The following EYS variants were observed in gnomAD, a reference collection of about 807,000 sequenced individuals.
EYS encodes the protein protein eyes shut homolog.
A neutral mutation model predicts 282.1 loss-of-function variants in EYS; 250 were observed. The ratio of observed to expected loss-of-function variants is 0.89; its 90% CI spans 0.80 to 0.98. The LOEUF is 0.98. Ranked by LOEUF, EYS falls within the 50% of genes least tolerant of loss-of-function variation. The probability of loss-of-function intolerance (pLI) is 0.00; values close to 1 mark genes in which losing one functional copy is unlikely to be tolerated. For missense variants in EYS, 4,016 were observed against 3,709.0 expected (o/e 1.08, Z -2.15); for synonymous variants, 1,355 against 1,282.9 (o/e 1.06, Z -1.20).
At chr6:63,833,323 G>A (rs747165019) in intron 36 of EYS, among the ~76,000 whole-genome samples, 12 of 152,080 alleles carry the variant, frequency 7.9e-5, no homozygotes, top group African/African-American at 1.9e-4. Context: ...AAACCCCATC[G>A]TCTCAGCCCC....
At chr6:64,565,982 A>C (rs16895490) in intron 26 of EYS, among the ~76,000 whole-genome samples, 4,069 of 151,422 alleles carry the variant, frequency 0.027, 118 homozygotes, top group East Asian at 0.11. Context: ...CCAAGCATTC[A>C]AAGTACAAAT....
chr6:63,864,721 A>G (rs1772630135), intron 35 of EYS, among the ~76,000 whole-genome samples: 1 of 152,180 alleles, frequency 6.6e-6, no homozygotes, highest in Non-Finnish European at 1.5e-5. Flanking sequence ...TTAGCAAAAA[A>G]CATCTTAGAC....
chr6:63,909,794 G>A (rs1310446717), intron 35 of EYS, among the ~76,000 whole-genome samples: 1 of 152,248 alleles, frequency 6.6e-6, no homozygotes, highest in East Asian at 1.9e-4. Context: ...CTATTAAGCT[G>A]GTAGAAGGTG....
At chr6:65,097,777 C>T (rs1181380068) in intron 12 of EYS, among the ~76,000 whole-genome samples, 4 of 149,446 alleles carry the variant, frequency 2.7e-5, no homozygotes, top group East Asian at 1.9e-4. Context: ...TATGATTCTA[C>T]TAATAGGAAG....
chr6:63,989,176 A>AGAT (rs1767500610), intron 34 of EYS, among the ~76,000 whole-genome samples: 1 of 151,656 alleles, frequency 6.6e-6, no homozygotes, highest in Admixed American at 6.6e-5. Context: ...CTTGTCTTTA[A>AGAT]GATTATGATG....
At chr6:64,442,392 G>A (rs1774977470) in intron 26 of EYS, among the ~76,000 whole-genome samples, 2 of 152,156 alleles carry the variant, frequency 1.3e-5, no homozygotes, top group Admixed American at 6.5e-5. Flanking sequence ...CAGAAAATTT[G>A]CACCCTGACA....
chr6:64,410,094 G>A (rs578240572), intron 28 of EYS, among the ~76,000 whole-genome samples: 1 of 152,078 alleles, frequency 6.6e-6, no homozygotes. Flanking sequence ...AGATTTAATA[G>A]GACTGTGTTA....
intron 32 of EYS, among the ~76,000 whole-genome samples, chr6:64,070,837 G>A (rs900379469): frequency 2.0e-5 from 3 of 152,000 alleles, no homozygotes; most frequent in African/African-American, 7.2e-5. Context: ...CCGCTAGTAC[G>A]ATTTGGTGCT....
At chr6:63,974,284 C>T (rs1055276226) in intron 35 of EYS, among the ~76,000 whole-genome samples, 2 of 151,760 alleles carry the variant, frequency 1.3e-5, no homozygotes, top group Admixed American at 6.6e-5. Flanking sequence ...CTTCTATTTA[C>T]AAAATAAACA....
chr6:64,352,176 T>A (rs1443495087), intron 29 of EYS, among the ~76,000 whole-genome samples: 2 of 151,482 alleles, frequency 1.3e-5, no homozygotes, highest in Admixed American at 6.6e-5. Flanking sequence ...GTTCTTTCAA[T>A]GCACACTAAA....
At chr6:65,141,510 AT>A (rs1288770838) in intron 12 of EYS, among the ~76,000 whole-genome samples, 1 of 151,804 alleles carries the variant, frequency 6.6e-6, no homozygotes, top group Non-Finnish European at 1.5e-5. Flanking sequence ...AAAAAACAAA[AT>A]TTCTAAATCT....
chr6:64,580,524 G>A (rs541531540), intron 26 of EYS, among the ~76,000 whole-genome samples: 1 of 152,110 alleles, frequency 6.6e-6, no homozygotes, highest in Non-Finnish European at 1.5e-5. Context: ...CAGGACTGAG[G>A]AATAGTGAAT....
At chr6:65,209,044 A>G (rs965822501) in intron 12 of EYS, among the ~76,000 whole-genome samples, 1 of 151,902 alleles carries the variant, frequency 6.6e-6, no homozygotes, top group African/African-American at 2.4e-5. Flanking sequence ...ATAATCTACA[A>G]CTAATTTGAT....
At chr6:64,642,410 C>T (rs929055369) in intron 22 of EYS, among the ~76,000 whole-genome samples, 4 of 152,008 alleles carry the variant, frequency 2.6e-5, no homozygotes, top group African/African-American at 9.7e-5. Flanking sequence ...TGTATTTCTC[C>T]ATGGTTATAT....
At chr6:64,335,329 A>G (rs1770808031) in intron 29 of EYS, among the ~76,000 whole-genome samples, 1 of 132,558 alleles carries the variant, frequency 7.5e-6, no homozygotes, top group Non-Finnish European at 1.5e-5. Flanking sequence ...GACCTTATCT[A>G]TACTCCCCAA....
At chr6:65,352,305 A>G (rs1764312220) in intron 9 of EYS, among the ~76,000 whole-genome samples, 1 of 151,996 alleles carries the variant, frequency 6.6e-6, no homozygotes, top group South Asian at 2.1e-4. Flanking sequence ...AAACAGACAC[A>G]TCAAACTGTT....
At chr6:64,664,496 G>A (rs1190869671) in intron 22 of EYS, among the ~76,000 whole-genome samples, 1 of 152,140 alleles carries the variant, frequency 6.6e-6, no homozygotes, top group Non-Finnish European at 1.5e-5. Context: ...TGGAAAGAGG[G>A]GAAGTGGGAT....
intron 37 of EYS, among the ~76,000 whole-genome samples, chr6:63,790,923 C>CT (rs146849061): frequency 0.012 from 1,832 of 152,228 alleles, 30 homozygotes; most frequent in African/African-American, 0.042. Flanking sequence ...CAGCTGTATC[C>CT]TTCCTTTCTG....
rs182277854 is a variant in EYS, at chr6:65,057,321, G to T, written c.2137+293C>A. On this transcript the variant is annotated intron_variant, in intron 13 of 42. Transcript: ENST00000503581. ...CAGAAGAATATTTCAAATATAACAT[G>T]CTAGGCTGGTAATATATTCCTTCCT... is the stretch of plus-strand genomic sequence containing the variant. Among the ~76,000 whole-genome samples, 416 of 152,118 alleles carry T rather than the reference G, an allele frequency of 2.7e-3. 1 individual carries two copies. The highest frequency in any genetic ancestry group is 9.6e-3 in the African/African-American group (397 of 41,530).
Sources: allele counts gnomAD v4.1 joint callset (sites outside exome capture counted in the v4.1 genomes callset), GRCh38; gene constraint gnomAD v4.1.1; transcripts MANE v1.5; gene names NCBI Gene and HGNC (gene_info 2026-07-23, HGNC 2026-07-21).